NTM: variants seen among roughly 807,000 people sequenced by gnomAD.
The protein encoded by NTM is IgLON family member 2.
A neutral mutation model predicts 42.1 loss-of-function variants in NTM; 13 were observed. The ratio of observed to expected loss-of-function variants is 0.31; its 90% CI spans 0.20 to 0.49. The LOEUF (loss-of-function observed/expected upper bound fraction) is 0.49, where lower values mean the gene tolerates loss of function less well. Among genes scored for constraint, NTM ranks in the 20% least tolerant of loss-of-function variants. The pLI is 0.99. For missense variants in NTM, 373 were observed against 452.8 expected (o/e 0.82, Z 1.60); for synonymous variants, 187 against 179.2 (o/e 1.04, Z -0.35).
intron 1 of NTM, among the ~76,000 whole-genome samples, chr11:131,649,387 G>T (rs1439380278): frequency 6.6e-6 from 1 of 152,210 alleles, no homozygotes; most frequent in African/African-American, 2.4e-5. Flanking sequence ...ATGGGAATAA[G>T]TATTGAACGG....
At chr11:131,511,859 A>T (rs2048295356) in intron 1 of NTM, among the ~76,000 whole-genome samples, 1 of 152,126 alleles carries the variant, frequency 6.6e-6, no homozygotes, top group Admixed American at 6.5e-5. Flanking sequence ...TGCAAAGCCA[A>T]TCTCTGTGTC....
intron 1 of NTM, among the ~76,000 whole-genome samples, chr11:131,899,710 T>G (rs1383067640): frequency 1.3e-5 from 2 of 152,276 alleles, no homozygotes; most frequent in African/African-American, 4.8e-5. Context: ...GAGATTATTT[T>G]TGTCTGTATA....
At chr11:131,579,098 C>T (rs1057489330) in intron 1 of NTM, among the ~76,000 whole-genome samples, 1 of 152,128 alleles carries the variant, frequency 6.6e-6, no homozygotes, top group Non-Finnish European at 1.5e-5. Context: ...TTCTTTAAAT[C>T]TCTTGTGTTT....
chr11:131,553,861 C>T (rs914547333), intron 1 of NTM, among the ~76,000 whole-genome samples: 2 of 152,204 alleles, frequency 1.3e-5, no homozygotes, highest in Non-Finnish European at 2.9e-5. Flanking sequence ...CACACACGGT[C>T]ATCTACAACC....
At chr11:131,953,635 C>A (rs1321800327) in intron 2 of NTM, among the ~76,000 whole-genome samples, 3 of 152,134 alleles carry the variant, frequency 2.0e-5, no homozygotes, top group African/African-American at 4.8e-5. Flanking sequence ...CTATTACTGG[C>A]CTGGGCAACA....
chr11:131,382,727 G>A (rs1048059330), intron 1 of NTM, among the ~76,000 whole-genome samples: 1 of 152,082 alleles, frequency 6.6e-6, no homozygotes, highest in Non-Finnish European at 1.5e-5. Flanking sequence ...ACAGTTTCTG[G>A]AGCACTAATC....
intron 1 of NTM, among the ~76,000 whole-genome samples, chr11:131,892,354 C>A (rs762882563): frequency 5.3e-5 from 8 of 152,226 alleles, no homozygotes; most frequent in Non-Finnish European, 1.0e-4. Context: ...GAGAGAGAAT[C>A]TTTCTCATTC....
At chr11:132,230,758 G>A (rs182485198) in intron 4 of NTM, among the ~76,000 whole-genome samples, 24 of 152,280 alleles carry the variant, frequency 1.6e-4, no homozygotes, top group Admixed American at 8.5e-4. Context: ...GTGTGGTGGC[G>A]CACACCTGTA....
chr11:131,958,438 A>G (rs2061785947), intron 2 of NTM, among the ~76,000 whole-genome samples: 1 of 152,178 alleles, frequency 6.6e-6, no homozygotes, highest in Non-Finnish European at 1.5e-5. Flanking sequence ...ACTGACTTCA[A>G]GAACTTCCCT....
At chr11:131,462,849 G>GCAGGCCGACC (rs1352504576) in intron 1 of NTM, among the ~76,000 whole-genome samples, 1 of 151,766 alleles carries the variant, frequency 6.6e-6, no homozygotes, top group African/African-American at 2.4e-5. Flanking sequence ...TCTCACTAGA[G>GCAGGCCGACC]TAGGCCCACC....
chr11:132,216,644 C>G (rs1005612029), intron 4 of NTM, among the ~76,000 whole-genome samples: 2 of 152,310 alleles, frequency 1.3e-5, no homozygotes, highest in Middle Eastern at 3.4e-3. Flanking sequence ...TCTTTGAGAT[C>G]AGAGTTTGCA....
At chr11:132,040,101 TG>T in intron 2 of NTM, among the ~76,000 whole-genome samples, 1 of 121,154 alleles carries the variant, frequency 8.3e-6, no homozygotes, top group African/African-American at 4.0e-5. Context: ...GCTAATTTTT[TG>T]TGTTTTTATT....
chr11:132,124,280 C>A (rs1020494152), intron 2 of NTM, among the ~76,000 whole-genome samples: 1 of 152,126 alleles, frequency 6.6e-6, no homozygotes, highest in African/African-American at 2.4e-5. Context: ...GCCCCTGGGG[C>A]CCTGCCCTCC....
At chr11:132,201,999 A>C (rs543839009) in intron 3 of NTM, among the ~76,000 whole-genome samples, 1 of 152,346 alleles carries the variant, frequency 6.6e-6, no homozygotes, top group South Asian at 2.1e-4. Context: ...AATATTAAAA[A>C]GTCATATTTC....
intron 6 of NTM, 48 bp downstream of exon 6, chr11:132,310,280 G>T (rs1402108811): frequency 1.3e-6 from 2 of 1,515,138 alleles, no homozygotes; most frequent in East Asian, 4.8e-5. Context: ...ATCTCCAGGA[G>T]AAACTTTTCC....
intron 1 of NTM, among the ~76,000 whole-genome samples, chr11:131,695,553 C>T (rs1158067736): frequency 1.3e-5 from 2 of 152,132 alleles, no homozygotes; most frequent in African/African-American, 4.8e-5. Context: ...CAGACTCTTT[C>T]CTCTGTACCC....
chr11:132,208,974 G>C (rs2082409802), intron 3 of NTM, among the ~76,000 whole-genome samples: 1 of 152,144 alleles, frequency 6.6e-6, no homozygotes, highest in African/African-American at 2.4e-5. Context: ...AGCAAGCAAG[G>C]CTGTGTGGGT....
intron 4 of NTM, among the ~76,000 whole-genome samples, chr11:132,255,362 C>T (rs375797401): frequency 2.8e-4 from 42 of 152,280 alleles, no homozygotes; most frequent in African/African-American, 8.9e-4. Flanking sequence ...CTGCTAAAAA[C>T]GGCTCTGATT....
chr11:131,405,608 G>A (rs902111628), intron 1 of NTM, among the ~76,000 whole-genome samples: 1 of 152,126 alleles, frequency 6.6e-6, no homozygotes, highest in African/African-American at 2.4e-5. Context: ...GCCTCCAGGT[G>A]GGTTTTGCTG....
Sources: gnomAD v4.1 joint callset for allele counts (sites outside exome capture counted in the v4.1 genomes callset) on GRCh38, gnomAD v4.1.1 for gene constraint, MANE v1.5 for transcripts, NCBI Gene and HGNC (gene_info 2026-07-23, HGNC 2026-07-21) for gene names.